RELL1: variants seen among roughly 807,000 people sequenced by gnomAD.
RELL1 encodes RELT like 1, also known as RELT-like protein 1.
In RELL1, 10 loss-of-function variants were observed where a neutral mutation model predicts 23.0. The observed-to-expected ratio is 0.43, with a 90% CI of 0.27 to 0.74. RELL1 has a LOEUF of 0.74. Ranked by LOEUF, RELL1 falls within the 30% of genes least tolerant of loss-of-function variation. The probability of loss-of-function intolerance (pLI) is 0.19; values close to 1 mark genes in which losing one functional copy is unlikely to be tolerated. For missense variants in RELL1, 315 were observed against 364.4 expected (o/e 0.86, Z 1.10); for synonymous variants, 146 against 146.8 (o/e 0.99, Z 0.04).
At chr4:37,652,899 A>G (rs1720997206) in intron 1 of RELL1, among the ~76,000 whole-genome samples, 1 of 152,210 alleles carries the variant, frequency 6.6e-6, no homozygotes, top group Non-Finnish European at 1.5e-5. Context: ...CCTGGCAGAA[A>G]TAACAGACAT....
chr4:37,634,422 T>C (rs934546725), intron 5 of RELL1, among the ~76,000 whole-genome samples: 1 of 152,192 alleles, frequency 6.6e-6, no homozygotes, highest in Non-Finnish European at 1.5e-5. Flanking sequence ...GTCAAAATGA[T>C]ACGAGCCACT....
intron 1 of RELL1, among the ~76,000 whole-genome samples, chr4:37,653,779 C>T (rs183045173): frequency 2.1e-4 from 32 of 152,324 alleles, no homozygotes; most frequent in African/African-American, 7.2e-4. Flanking sequence ...CTTCCTGTTT[C>T]TTGGGGCACT....
intron 1 of RELL1, among the ~76,000 whole-genome samples, chr4:37,675,119 G>A (rs1181405411): frequency 6.6e-6 from 1 of 152,072 alleles, no homozygotes; most frequent in African/African-American, 2.4e-5. Flanking sequence ...AAAAGCAAGT[G>A]GACAATTTCT....
intron 5 of RELL1, among the ~76,000 whole-genome samples, chr4:37,633,263 GC>G (rs1196827977): frequency 1.3e-5 from 2 of 151,918 alleles, no homozygotes; most frequent in Non-Finnish European, 2.9e-5. Flanking sequence ...ACAAAAATTA[GC>G]CAGGCATGGT....
At chr4:37,675,548 C>G (rs1272880336) in intron 1 of RELL1, among the ~76,000 whole-genome samples, 1 of 152,212 alleles carries the variant, frequency 6.6e-6, no homozygotes, top group Non-Finnish European at 1.5e-5. Context: ...TCAAGAAGCT[C>G]TAGTTAGACA....
chr4:37,604,802 C>CACACACACAG (rs1719114644), intron 6 of RELL1, among the ~76,000 whole-genome samples: 1 of 134,152 alleles, frequency 7.5e-6, no homozygotes, highest in African/African-American at 3.2e-5. Flanking sequence ...CACACAGACA[C>CACACACACAG]ACACACAGAC....
At chr4:37,632,331 C>T (rs1720172673) in intron 5 of RELL1, among the ~76,000 whole-genome samples, 1 of 144,822 alleles carries the variant, frequency 6.9e-6, no homozygotes. Context: ...GCCACCATGC[C>T]TGGCTAATTT....
At chr4:37,619,319 A>T (rs900157377) in intron 6 of RELL1, among the ~76,000 whole-genome samples, 56 of 152,078 alleles carry the variant, frequency 3.7e-4, no homozygotes, top group Admixed American at 3.9e-4. Flanking sequence ...AGTAGCTGGG[A>T]CTACAGGCGT....
At chr4:37,676,371 TTG>T (rs1722024703) in intron 1 of RELL1, among the ~76,000 whole-genome samples, 2 of 152,226 alleles carry the variant, frequency 1.3e-5, no homozygotes, top group Non-Finnish European at 2.9e-5. Flanking sequence ...ACAATTGGTT[TTG>T]AATAGTATAA....
downstream of RELL1, chr4:37,590,293 C>T: frequency 6.2e-7 from 1 of 1,614,036 alleles, no homozygotes; most frequent in Non-Finnish European, 8.5e-7. Context: ...CTGCTGGCCT[C>T]ACCAAGGGCC....
chr4:37,604,856 C>CACACACAGACACACACACACAG lies in RELL1; in HGVS notation c.*4-13640_*4-13639insCTGTGTGTGTGTGTCTGTGTGT, dbSNP rs1560323822. On this transcript the variant is annotated intron_variant, in intron 6 of 6. Transcript: ENST00000314117. ...ATACACACAGACACACACACAGACA[C>CACACACAGACACACACACACAG]ACACACACAGACACACACACACATA... 4.1e-5 allele frequency among the ~76,000 whole-genome samples: 5 copies of CACACACAGACACACACACACAG among 123,202 alleles called. No homozygotes were observed. The South Asian group carries it at 1.3e-3, about 32-fold the overall frequency. 80.8% of individuals were successfully genotyped at this position (123,202 alleles called of 152,430 possible).
rs764096643 is a variant in RELL1, at chr4:37,605,199, CAGAT to C, written c.*4-13986_*4-13983del. Among the ~76,000 whole-genome samples the C allele has an allele frequency of 1.1e-3, 164 of 152,136 alleles. 1 individual carries two copies. The highest frequency in any genetic ancestry group is 1.7e-3 in the South Asian group (8 of 4,820). On this transcript the variant is annotated intron_variant, in intron 6 of 6. Coordinates refer to the RELL1 transcript ENST00000314117. The stretch of plus-strand genomic sequence containing the variant: ...AGTGTGGGCACATGCTTTTGTTTTA[CAGAT>C]AGATACAAAAAATACATAAAGATGT...
intron 1 of RELL1, among the ~76,000 whole-genome samples, chr4:37,673,994 C>A (rs1188572674): frequency 6.6e-6 from 1 of 152,224 alleles, no homozygotes; most frequent in South Asian, 2.1e-4. Flanking sequence ...CTTTGCTCAG[C>A]ACACCATTCC....
intron 5 of RELL1, among the ~76,000 whole-genome samples, chr4:37,634,608 T>C (rs1371170752): frequency 6.6e-6 from 1 of 152,242 alleles, no homozygotes; most frequent in Non-Finnish European, 1.5e-5. Flanking sequence ...GAAATATAAA[T>C]GTCTATTCTG....
intron 1 of RELL1, among the ~76,000 whole-genome samples, chr4:37,673,194 T>C (rs1008101692): frequency 2.7e-5 from 3 of 110,800 alleles, no homozygotes; most frequent in African/African-American, 6.7e-5. Context: ...TTCTTTTTTT[T>C]TTTTTTTTTT....
chr4:37,614,288 T>C (rs1309293893), intron 6 of RELL1, among the ~76,000 whole-genome samples: 1 of 152,214 alleles, frequency 6.6e-6, no homozygotes, highest in Non-Finnish European at 1.5e-5. Flanking sequence ...AATATTCATT[T>C]GGTCAACCAT....
intron 6 of RELL1, chr4:37,622,822 GAGAC>G: frequency 3.3e-6 from 1 of 302,036 alleles, no homozygotes. Context: ...TTTTTTTTCT[GAGAC>G]AGAGTCTTGC....
At chr4:37,667,811 C>A (rs1308620257) in intron 1 of RELL1, among the ~76,000 whole-genome samples, 1 of 151,506 alleles carries the variant, frequency 6.6e-6, no homozygotes, top group African/African-American at 2.4e-5. Flanking sequence ...AAAATGCTAC[C>A]CTGATCTACA....
At chr4:37,621,706 G>C (rs892226424) in intron 6 of RELL1, among the ~76,000 whole-genome samples, 1 of 152,134 alleles carries the variant, frequency 6.6e-6, no homozygotes, top group African/African-American at 2.4e-5. Context: ...AGGAAGAACA[G>C]ATAAGCTCTC....
Sources: gnomAD v4.1 joint callset for allele counts (sites outside exome capture counted in the v4.1 genomes callset) on GRCh38, gnomAD v4.1.1 for gene constraint, MANE v1.5 for transcripts, NCBI Gene and HGNC (gene_info 2026-07-23, HGNC 2026-07-21) for gene names.